The following MCCC1 variants were observed in gnomAD, a reference collection of about 807,000 sequenced individuals.
MCCC1 encodes methylcrotonoyl-CoA carboxylase subunit alpha, mitochondrial.
MCCC1 carries 64 observed loss-of-function variants against 83.8 expected under a neutral mutation model. The observed-to-expected ratio is 0.76, with a 90% confidence interval of 0.62 to 0.94. The LOEUF is 0.94. Among genes scored for constraint, MCCC1 ranks in the 40% least tolerant of loss-of-function variants. The probability of loss-of-function intolerance (pLI) is 0.00; values close to 1 mark genes in which losing one functional copy is unlikely to be tolerated. For missense variants in MCCC1, 807 were observed against 904.7 expected (o/e 0.89, Z 1.39); for synonymous variants, 322 against 315.4 (o/e 1.02, Z -0.22).
intron 1 of MCCC1, among the ~76,000 whole-genome samples, chr3:183,109,461 G>A (rs1357519735): frequency 2.6e-5 from 4 of 152,144 alleles, no homozygotes; most frequent in Non-Finnish European, 4.4e-5. Flanking sequence ...TTGTATAGAT[G>A]TGTATTGAAC....
chr3:183,025,931 G>A, intron 14 of MCCC1, 127 bp from the exon 15 acceptor site: 1 of 754,956 alleles, frequency 1.3e-6, no homozygotes, highest in Non-Finnish European at 2.2e-6. Flanking sequence ...CAACAACTTT[G>A]AACTTCTTGG....
intron 4 of MCCC1, among the ~76,000 whole-genome samples, chr3:183,081,820 G>A (rs1717520096): frequency 6.6e-6 from 1 of 152,202 alleles, no homozygotes; most frequent in Non-Finnish European, 1.5e-5. Flanking sequence ...GGGAGCACTG[G>A]CACCCAGAGA....
chr3:183,073,278 G>T (rs1716831070), intron 4 of MCCC1, among the ~76,000 whole-genome samples: 1 of 152,144 alleles, frequency 6.6e-6, no homozygotes, highest in Non-Finnish European at 1.5e-5. Context: ...AGAATGTCAA[G>T]AAGTAAAGGG....
chr3:183,076,242 T>C (rs1414456666), intron 4 of MCCC1, among the ~76,000 whole-genome samples: 2 of 152,196 alleles, frequency 1.3e-5, no homozygotes, highest in Non-Finnish European at 2.9e-5. Flanking sequence ...GTTGTCTCTA[T>C]AGTTTTGCCT....
intron 4 of MCCC1, among the ~76,000 whole-genome samples, chr3:183,081,961 C>T (rs1378413658): frequency 2.6e-5 from 4 of 152,136 alleles, no homozygotes; most frequent in African/African-American, 7.2e-5. Context: ...TGTGCAGCTG[C>T]GGGCATGGGA....
intron 1 of MCCC1, among the ~76,000 whole-genome samples, chr3:183,114,198 T>G (rs990132658): frequency 3.3e-5 from 5 of 152,212 alleles, no homozygotes; most frequent in African/African-American, 1.2e-4. Flanking sequence ...TGTAATAGTC[T>G]TAAAGCCCCT....
At chr3:183,020,561 G>A (rs1412304031) in intron 16 of MCCC1, among the ~76,000 whole-genome samples, 4 of 152,068 alleles carry the variant, frequency 2.6e-5, no homozygotes, top group African/African-American at 7.2e-5. Context: ...AGCCTGGGAG[G>A]TAGAGGCTGC....
chr3:183,113,768 G>T (rs1183841757), intron 1 of MCCC1, among the ~76,000 whole-genome samples: 2 of 151,970 alleles, frequency 1.3e-5, no homozygotes, highest in African/African-American at 4.8e-5. Context: ...GTGTTTCCCA[G>T]AGTTCTGGGA....
chr3:183,086,632 C>G (rs747674821), intron 4 of MCCC1, 61 bp downstream of exon 4: 112 of 1,459,822 alleles, frequency 7.7e-5, no homozygotes, highest in Admixed American at 1.2e-4. Flanking sequence ...CTATAAGTAA[C>G]TTTGCATCAG....
chr3:183,072,230 T>C, intron 5 of MCCC1, 136 bp downstream of exon 5: 1 of 1,058,456 alleles, frequency 9.4e-7, no homozygotes, highest in South Asian at 1.5e-5. Context: ...CAGGCTGGTC[T>C]TGAATTCCTG....
Position 183,045,521 on chromosome 3 carries a change from C to T in MCCC1, c.975G>A (p.Met325Ile). ...TGAAACAGAAATTATGTTTTGAGTC[C>T]ATAATAAACTCCACAGTCCCTAAAA... ...YVGAGTVEFI[M>I]DSKHNFCFME... Residue 325 changes from methionine to isoleucine, a missense_variant, in exon 10 of 19, where the codon ATG becomes ATA. Physicochemically the swap from Met to Ile is conservative, Grantham distance 10. Transcript: ENST00000265594. The T allele has an allele frequency of 1.2e-6, 2 of 1,614,028 alleles. No homozygotes were observed. Among genetic ancestry groups the T allele is most frequent in the Non-Finnish European group, 1.7e-6 (2 of 1,179,940 alleles).
At chr3:183,102,588 A>T (rs934716108), upstream of MCCC1, among the ~76,000 whole-genome samples, 1 of 151,996 alleles carries the variant, frequency 6.6e-6, no homozygotes, top group Non-Finnish European at 1.5e-5. Context: ...AAACTCAGTA[A>T]TTCAAGAAGT....
chr3:183,057,329 G>C lies in MCCC1; in HGVS notation c.855C>G (p.Ile285Met). ...TCCTTACCGCTGGGGCCTCCTCAAT[G>C]ATCTTCTGATGTCGCCTCTGCACAC... ...DCSVQRRHQK[I>M]IEEAPAPGIK... Residue 285 changes from isoleucine to methionine, a missense_variant, in exon 8 of 19, where the codon ATC becomes ATG. Transcript: ENST00000265594. 6.2e-7 allele frequency: 1 copy of C among 1,607,208 alleles called. No individual in the cohort carries two copies. The highest frequency in any genetic ancestry group is 8.5e-7 in the Non-Finnish European group (1 of 1,175,986).
intron 4 of MCCC1, among the ~76,000 whole-genome samples, chr3:183,078,888 G>C (rs912666280): frequency 5.3e-5 from 8 of 152,194 alleles, no homozygotes; most frequent in Non-Finnish European, 1.0e-4. Context: ...CAGGGAGGAG[G>C]AATTCATGTC....
chr3:183,110,109 T>C (rs1303958143), intron 1 of MCCC1, among the ~76,000 whole-genome samples: 1 of 152,234 alleles, frequency 6.6e-6, no homozygotes, highest in Non-Finnish European at 1.5e-5. Flanking sequence ...TGTCTTTTGC[T>C]AGTTTAATTA....
intron 9 of MCCC1, among the ~76,000 whole-genome samples, chr3:183,049,854 C>T (rs1204330478): frequency 6.6e-6 from 1 of 152,216 alleles, no homozygotes; most frequent in Admixed American, 6.5e-5. Context: ...TGCAGTGGCT[C>T]ATGTGTGTAA....
At chr3:183,022,390 A>G (rs1712227677) in intron 16 of MCCC1, 27 bp downstream of exon 16, 1 of 1,612,656 alleles carries the variant, frequency 6.2e-7, no homozygotes, top group African/African-American at 1.3e-5. Flanking sequence ...ATGCCCCAGG[A>G]GGGATATTAT....
intron 7 of MCCC1, among the ~76,000 whole-genome samples, chr3:183,059,265 T>A (rs1366663709): frequency 6.6e-6 from 1 of 152,142 alleles, no homozygotes; most frequent in African/African-American, 2.4e-5. Flanking sequence ...GCCGAGATCG[T>A]GCCACTGCAC....
intron 7 of MCCC1, among the ~76,000 whole-genome samples, chr3:183,059,018 G>A (rs1715634659): frequency 6.6e-6 from 1 of 152,120 alleles, no homozygotes; most frequent in Non-Finnish European, 1.5e-5. Context: ...CAAAGAATTT[G>A]TCTTCTTGCT....
Sources: allele counts gnomAD v4.1 joint callset (sites outside exome capture counted in the v4.1 genomes callset), GRCh38; gene constraint gnomAD v4.1.1; transcripts MANE v1.5; gene names NCBI Gene and HGNC (gene_info 2026-07-23, HGNC 2026-07-21).